KCNMA1: variants seen among roughly 807,000 people sequenced by gnomAD.
KCNMA1 encodes the protein Calcium-activated potassium channel subunit alpha-1.
In KCNMA1, 29 loss-of-function variants were observed where a neutral mutation model predicts 140.0. The ratio of observed to expected loss-of-function variants is 0.21; its 90% confidence interval spans 0.15 to 0.28. The LOEUF is 0.28. Among genes scored for constraint, KCNMA1 ranks in the 10% least tolerant of loss-of-function variants. The probability of loss-of-function intolerance (pLI) is 1.00; values close to 1 mark genes in which losing one functional copy is unlikely to be tolerated. For synonymous variants in KCNMA1, 612 were observed against 611.9 expected (o/e 1.00, Z 0.00); for missense variants, 880 against 1,602.2 (o/e 0.55, Z 7.70).
intron 19 of KCNMA1, among the ~76,000 whole-genome samples, chr10:76,992,505 A>G (rs1053651743): frequency 6.6e-6 from 1 of 152,186 alleles, no homozygotes; most frequent in Non-Finnish European, 1.5e-5. Context: ...TCCCCTGACT[A>G]TCCAGGTAAT....
intron 9 of KCNMA1, among the ~76,000 whole-genome samples, chr10:77,100,132 T>C (rs1266727520): frequency 6.6e-6 from 1 of 152,214 alleles, no homozygotes; most frequent in Non-Finnish European, 1.5e-5. Context: ...TGGTACTGAT[T>C]GGTCAGAATC....
chr10:77,392,306 G>A (rs2095865300), intron 2 of KCNMA1, among the ~76,000 whole-genome samples: 1 of 149,560 alleles, frequency 6.7e-6, no homozygotes, highest in African/African-American at 2.5e-5. Context: ...AGGGAGGCAA[G>A]GGAGGGAAGG....
At chr10:77,609,466 G>A (rs1294990121) in intron 1 of KCNMA1, among the ~76,000 whole-genome samples, 1 of 152,212 alleles carries the variant, frequency 6.6e-6, no homozygotes, top group Admixed American at 6.5e-5. Flanking sequence ...GCTGGTCAAA[G>A]AGTACAAACT....
intron 29 of KCNMA1, among the ~76,000 whole-genome samples, chr10:76,879,203 C>G (rs1013856954): frequency 3.3e-5 from 5 of 152,098 alleles, no homozygotes; most frequent in Non-Finnish European, 5.9e-5. Context: ...TCTGCTGTTT[C>G]AAGTGCCCTG....
chr10:77,289,088 G>A (rs1297450937), intron 2 of KCNMA1, among the ~76,000 whole-genome samples: 1 of 152,142 alleles, frequency 6.6e-6, no homozygotes, highest in Non-Finnish European at 1.5e-5. Context: ...TAACACAGCT[G>A]GGAGCCTCTT....
intron 11 of KCNMA1, 38 bp from the exon 12 acceptor site, chr10:77,084,757 TATAA>T (rs747336920): frequency 2.8e-6 from 4 of 1,415,866 alleles, no homozygotes; most frequent in Non-Finnish European, 4.0e-6. Context: ...AACACAAACA[TATAA>T]ATAGCCATGC....
intron 2 of KCNMA1, among the ~76,000 whole-genome samples, chr10:77,353,999 T>TGGG (rs2093217796): frequency 6.9e-5 from 1 of 14,556 alleles, no homozygotes; most frequent in African/African-American, 2.0e-4. Flanking sequence ...GGTGGAGGGG[T>TGGG]GGGGATGGAG....
intron 9 of KCNMA1, among the ~76,000 whole-genome samples, chr10:77,098,028 C>T (rs1595893360): frequency 6.6e-6 from 1 of 152,238 alleles, no homozygotes; most frequent in Admixed American, 6.5e-5. Context: ...CAAAACTTTG[C>T]ATCTTATCGC....
In KCNMA1 at chr10:77,187,168, A is replaced by G. The variant is rs754403263; in HGVS notation, c.603-2252T>C. 3.9e-4 allele frequency among the ~76,000 whole-genome samples: 59 copies of G among 152,272 alleles called. 1 individual carries two copies. Among genetic ancestry groups the G allele is most frequent in the Non-Finnish European group, 7.5e-4 (51 of 68,026 alleles). ...TAGAAATACAGCTAATTGGAAAAGT[A>G]TTTGCTAGGCTGTGGTAGAAAATGG... On this transcript the variant is annotated intron_variant, in intron 3 of 27. Coordinates refer to ENST00000286628, the MANE Select transcript of KCNMA1 (RefSeq NM_001161352.2).
At chr10:77,539,118 C>T (rs2059595404) in intron 1 of KCNMA1, among the ~76,000 whole-genome samples, 1 of 152,180 alleles carries the variant, frequency 6.6e-6, no homozygotes, top group South Asian at 2.1e-4. Flanking sequence ...CATAAACCAG[C>T]TCCCCCACCC....
chr10:76,913,858 G>C (rs2051444938), intron 24 of KCNMA1: 1 of 563,644 alleles, frequency 1.8e-6, no homozygotes, highest in Non-Finnish European at 3.1e-6. Flanking sequence ...CTGATGCTGT[G>C]TGGGGAAAAA....
downstream of KCNMA1, among the ~76,000 whole-genome samples, chr10:76,881,205 A>G (rs2034528285): frequency 6.6e-6 from 1 of 152,216 alleles, no homozygotes; most frequent in Non-Finnish European, 1.5e-5. Context: ...CTAAGGAGAC[A>G]GCGCAGGGCA....
chr10:77,603,591 A>G (rs2673454), intron 1 of KCNMA1, among the ~76,000 whole-genome samples: 74,624 of 152,022 alleles, frequency 0.49, 18,685 homozygotes, highest in Admixed American at 0.56. Flanking sequence ...CCTGGCAGGC[A>G]TCTGGGAGGA....
chr10:77,541,217 T>C (rs572097607), intron 1 of KCNMA1, among the ~76,000 whole-genome samples: 9 of 152,150 alleles, frequency 5.9e-5, no homozygotes, highest in South Asian at 2.1e-4. Context: ...AACGTACCTA[T>C]TAAAAGACAG....
chr10:77,087,707 T>G (rs1305733540), intron 10 of KCNMA1, among the ~76,000 whole-genome samples: 1 of 152,200 alleles, frequency 6.6e-6, no homozygotes, highest in African/African-American at 2.4e-5. Context: ...AGTGACCTAT[T>G]TATTCATTTG....
chr10:77,500,346 T>G (rs2043420498), intron 1 of KCNMA1, among the ~76,000 whole-genome samples: 1 of 151,972 alleles, frequency 6.6e-6, no homozygotes, highest in Non-Finnish European at 1.5e-5. Context: ...AGTAAAAGAA[T>G]AAACCAGAAT....
intron 3 of KCNMA1, among the ~76,000 whole-genome samples, chr10:77,224,300 A>T (rs1383209975): frequency 2.0e-5 from 3 of 152,242 alleles, no homozygotes; most frequent in Non-Finnish European, 2.9e-5. Flanking sequence ...AACAGTTTCT[A>T]AAAAACTTTC....
At chr10:77,242,695 A>C (rs2057567485) in intron 3 of KCNMA1, among the ~76,000 whole-genome samples, 2 of 152,138 alleles carry the variant, frequency 1.3e-5, no homozygotes, top group Admixed American at 6.5e-5. Context: ...ATTATACATA[A>C]GTACTCAAAA....
In KCNMA1 at chr10:76,969,682, T is replaced by C. The variant is rs547710017; in HGVS notation, c.2360+292A>G. Among the ~76,000 whole-genome samples the C allele has an allele frequency of 1.3e-4, 20 of 152,352 alleles. No individual in the cohort carries two copies. The South Asian group carries it at 3.1e-3, about 24-fold the overall frequency. On this transcript the variant is annotated intron_variant, in intron 20 of 27. Coordinates refer to ENST00000286628, the MANE Select transcript of KCNMA1 (RefSeq NM_001161352.2). The stretch of plus-strand genomic sequence containing the variant: ...ATTAGTGCCACTGCTGTTTAGGAAC[T>C]ACACACAGACAGGACATGGTGACAG...
Sources: allele counts gnomAD v4.1 joint callset (sites outside exome capture counted in the v4.1 genomes callset), GRCh38; gene constraint gnomAD v4.1.1; transcripts MANE v1.5; gene names NCBI Gene and HGNC (gene_info 2026-07-23, HGNC 2026-07-21).